DHX37: variants seen among roughly 807,000 people sequenced by gnomAD.
DHX37 encodes DEAH-box helicase 37, also known as probable ATP-dependent RNA helicase DHX37.
In DHX37, 52 loss-of-function variants were observed where a neutral mutation model predicts 134.3. The observed-to-expected ratio is 0.39, with a 90% CI of 0.31 to 0.49. The LOEUF (loss-of-function observed/expected upper bound fraction) is 0.49, where lower values mean the gene tolerates loss of function less well. Among genes scored for constraint, DHX37 ranks in the 20% least tolerant of loss-of-function variants. The pLI is 0.93. For synonymous variants in DHX37, 634 were observed against 670.7 expected (o/e 0.95, Z 0.85); for missense variants, 1,344 against 1,580.8 (o/e 0.85, Z 2.54).
Position 124,956,955 on chromosome 12 carries a change from C to A in DHX37, c.2264+74G>T, listed in dbSNP as rs1479480088. 2.6e-6 allele frequency: 4 copies of A among 1,528,308 alleles called. No individual in the cohort carries two copies. The African/African-American group carries it at 4.2e-5, about 16-fold the overall frequency. 94.7% of individuals were successfully genotyped at this position (1,528,308 alleles called of 1,614,324 possible). On this transcript the variant is annotated intron_variant, in intron 17 of 26. Coordinates refer to ENST00000308736, the MANE Select transcript of DHX37 (RefSeq NM_032656.4). The stretch of plus-strand genomic sequence containing the variant: ...CAGCTGGGAGGCCCCACGCTTGAGG[C>A]AGCTCAGGCCCAGCAAAAGGGAGAG...
At chr12:124,969,007 C>G (rs375094621) in intron 8 of DHX37, 39 bp from the exon 9 acceptor site, 1 of 1,594,500 alleles carries the variant, frequency 6.3e-7, no homozygotes, top group Non-Finnish European at 8.5e-7. Flanking sequence ...GCCCCAGGAC[C>G]GCAGGTGGGT....
In DHX37 at chr12:124,947,569, A is replaced by G. The variant is rs1434841811; in HGVS notation, c.*233T>C. On this transcript the variant is annotated 3_prime_UTR_variant, in exon 27 of 27. Coordinates refer to ENST00000308736, the MANE Select transcript of DHX37 (RefSeq NM_032656.4). ...AGCGTCCAGCACGTGAGATGAAATC[A>G]TCATCCACCATATAATAAACAGTTC... The G allele has an allele frequency of 5.8e-6, 3 of 517,046 alleles. No individual in the cohort carries two copies. The highest frequency in any genetic ancestry group is 1.0e-5 in the Non-Finnish European group (3 of 294,434). The allele number at this position is 517,046 out of a possible 1,614,324, so 32.0% of individuals were successfully genotyped here. A position where few individuals can be genotyped will look rare whatever the true frequency, so the allele number is the denominator to read the frequency against.
At chr12:124,961,297 TGCACGCAC>T (rs1188352413) in intron 15 of DHX37, among the ~76,000 whole-genome samples, 1 of 137,582 alleles carries the variant, frequency 7.3e-6, no homozygotes, top group Non-Finnish European at 1.6e-5. Context: ...CTTACACGCG[TGCACGCAC>T]GCACACACAC....
At chr12:124,968,838 C>G (rs745830310) in intron 9 of DHX37, 29 bp downstream of exon 9, 7 of 1,612,976 alleles carry the variant, frequency 4.3e-6, no homozygotes, top group Non-Finnish European at 4.2e-6. Flanking sequence ...GCCATCCAAG[C>G]TCACAGAGGA....
intron 1 of DHX37, among the ~76,000 whole-genome samples, chr12:124,987,380 T>C (rs1482856554): frequency 1.3e-5 from 2 of 152,306 alleles, no homozygotes; most frequent in East Asian, 1.9e-4. Context: ...ATCTGAGTCA[T>C]GTTCTTATGA....
chr12:124,965,271 C>G (rs938929037), intron 13 of DHX37, among the ~76,000 whole-genome samples: 36 of 152,320 alleles, frequency 2.4e-4, no homozygotes, highest in African/African-American at 8.7e-4. Context: ...GGCATGGATC[C>G]CGGGAGCCTG....
chr12:124,965,226 C>A (rs934769077), intron 13 of DHX37, among the ~76,000 whole-genome samples: 10 of 152,212 alleles, frequency 6.6e-5, no homozygotes, highest in Admixed American at 3.3e-4. Context: ...CGGATCTGAA[C>A]CCCTGTGCTG....
intron 10 of DHX37, among the ~76,000 whole-genome samples, chr12:124,967,685 C>T (rs916839839): frequency 5.3e-5 from 8 of 152,144 alleles, no homozygotes; most frequent in African/African-American, 1.4e-4. Flanking sequence ...CCTTGAAGGA[C>T]GAGGTCAAGC....
At position 124,988,161 on chromosome 12, in the gene DHX37, C is replaced by T. The variant is rs115334581; in HGVS notation, c.106+756G>A. Among the ~76,000 whole-genome samples, 900 of 151,972 alleles carry T rather than the reference C, an allele frequency of 5.9e-3. 12 individuals carry two copies. The highest frequency in any genetic ancestry group is 0.021 in the African/African-American group (861 of 41,456). Reference sequence around the variant, plus strand: ...GGTGCCCACCACCACGCCTCCTCTGCTCTAAATGCTCCCATGGCTGCCCTC... The same window carrying T: ...GGTGCCCACCACCACGCCTCCTCTGTTCTAAATGCTCCCATGGCTGCCCTC... On this transcript the variant is annotated intron_variant, in intron 1 of 26. Transcript: ENST00000308736.
At chr12:124,968,699 C>T (rs2135950878) in intron 9 of DHX37, 51 bp from the exon 10 acceptor site, 1 of 1,612,348 alleles carries the variant, frequency 6.2e-7, no homozygotes, top group East Asian at 2.2e-5. Context: ...CGAGCTTCGG[C>T]CCAGGGCTGC....
At position 124,988,802 on chromosome 12, in the gene DHX37, C is replaced by CA. The variant is rs200315832; in HGVS notation, c.106+114dup. ...TCTGGAATGGGGGGACCCATTCCCCCATTCCAGATGATCCATCCCACCCCT... is the reference window on the plus strand; with the variant it reads ...TCTGGAATGGGGGGACCCATTCCCCCAATTCCAGATGATCCATCCCACCCCT... On this transcript the variant is annotated intron_variant, in intron 1 of 26. Transcript: ENST00000308736. The CA allele has an allele frequency of 1.4e-3, 717 of 516,194 alleles. 8 individuals are homozygous for CA. Among genetic ancestry groups the CA allele is most frequent in the African/African-American group, 0.013 (655 of 51,042 alleles). The allele number at this position is 516,194 out of a possible 1,614,324, so 32.0% of individuals were successfully genotyped here. A position where few individuals can be genotyped will look rare whatever the true frequency, so the allele number is the denominator to read the frequency against.
In DHX37 at chr12:124,980,177, A is replaced by G. The variant is rs924232203; in HGVS notation, c.738+313T>C. On this transcript the variant is annotated intron_variant, in intron 4 of 26. Transcript: ENST00000308736. The surrounding 1 kb of genome is among the most constrained non-coding windows in gnomAD (Gnocchi z 5.3). ...TTCGGGTCAACTGATTCACAGCCCAAACTCTTGTCTGGATCGGGGCAGCCC... is the reference window on the plus strand; with the variant it reads ...TTCGGGTCAACTGATTCACAGCCCAGACTCTTGTCTGGATCGGGGCAGCCC... Among the ~76,000 whole-genome samples the G allele has an allele frequency of 6.6e-6, 1 of 152,230 alleles. No individual in the cohort carries two copies. The highest frequency in any genetic ancestry group is 2.4e-5 in the African/African-American group (1 of 41,464).
rs371696236 is a variant in DHX37, at chr12:124,966,908, C to A, written c.1505-30G>T. The A allele has an allele frequency of 1.7e-5, 27 of 1,613,652 alleles. No individual in the cohort carries two copies. In the African/African-American group the frequency reaches 2.8e-4, roughly 17 times the overall value. On this transcript the variant is annotated intron_variant, in intron 11 of 26. Coordinates refer to ENST00000308736, the MANE Select transcript of DHX37 (RefSeq NM_032656.4). ...GAGAGGGGCAGGTTGGGGAGAAAGG[C>A]GTCTGTGGCCGGCGTGGTCGCCAGC...
chr12:124,984,410 G>T (rs1308082859), intron 2 of DHX37, among the ~76,000 whole-genome samples: 1 of 152,148 alleles, frequency 6.6e-6, no homozygotes, highest in African/African-American at 2.4e-5. Flanking sequence ...GTGCATGCCT[G>T]TAATCCCAGC....
At chr12:124,975,978 C>T (rs555359155) in intron 5 of DHX37, among the ~76,000 whole-genome samples, 57 of 152,330 alleles carry the variant, frequency 3.7e-4, no homozygotes, top group Middle Eastern at 3.4e-3. Context: ...AAGTGCGGGG[C>T]CCACTGTGCC....
chr12:124,964,861 G>C, intron 14 of DHX37, 69 bp downstream of exon 14: 1 of 1,511,940 alleles, frequency 6.6e-7, no homozygotes, highest in Non-Finnish European at 8.9e-7. Flanking sequence ...ACCACCAAGG[G>C]CTTGACCAAC....
At chr12:124,956,404 T>C (rs12299970) in intron 18 of DHX37, among the ~76,000 whole-genome samples, 30,514 of 152,256 alleles carry the variant, frequency 0.2, 6,334 homozygotes, top group African/African-American at 0.53. Context: ...AGAATTAGCA[T>C]GTAGTCATAA....
intron 16 of DHX37, among the ~76,000 whole-genome samples, 172 bp from the exon 17 acceptor site, chr12:124,957,307 C>A (rs1954119053): frequency 6.6e-6 from 1 of 152,152 alleles, no homozygotes; most frequent in South Asian, 2.1e-4. Flanking sequence ...AATGGAACCC[C>A]AAGGCCTCCT....
At chr12:124,973,768 A>C (rs1225897156) in intron 6 of DHX37, among the ~76,000 whole-genome samples, 4 of 151,180 alleles carry the variant, frequency 2.6e-5, no homozygotes, top group Non-Finnish European at 2.9e-5. Context: ...CAGCCTCCTG[A>C]ATAGCTGGAT....
Sources: allele counts gnomAD v4.1 joint callset (sites outside exome capture counted in the v4.1 genomes callset), GRCh38; gene constraint gnomAD v4.1.1; non-coding constraint Gnocchi (gnomAD v3.1); transcripts MANE v1.5; gene names NCBI Gene and HGNC (gene_info 2026-07-23, HGNC 2026-07-21).